COL16A1: variants seen among roughly 807,000 people sequenced by gnomAD.
COL16A1 encodes collagen type XVI alpha 1 chain, also known as collagen alpha-1(XVI) chain.
A neutral mutation model predicts 266.3 loss-of-function variants in COL16A1; 189 were observed. The ratio of observed to expected loss-of-function variants is 0.71; its 90% CI spans 0.63 to 0.80. COL16A1 has a LOEUF of 0.80. Among genes scored for constraint, COL16A1 ranks in the 30% least tolerant of loss-of-function variants. The pLI is 0.00. For synonymous variants in COL16A1, 740 were observed against 782.3 expected, an observed-to-expected ratio of 0.95 and a Z score of 0.90; for missense variants, 1,928 against 2,122.4, an observed-to-expected ratio of 0.91 and a Z score of 1.80.
intron 22 of COL16A1, 129 bp downstream of exon 22, chr1:31,690,238 G>A: frequency 1.4e-6 from 2 of 1,422,632 alleles, no homozygotes; most frequent in South Asian, 2.6e-5. Context: ...GACATCAGAG[G>A]AAGAACGGGT....
Position 31,685,952 on chromosome 1 carries a change from G to A in COL16A1, c.1884+139C>T. On this transcript the variant is annotated intron_variant, in intron 28 of 70. Coordinates refer to ENST00000373672, the MANE Select transcript of COL16A1 (RefSeq NM_001856.4). This position sits in a 1 kb window ranked among gnomAD's most constrained non-coding sequence, Gnocchi z 4.0. The stretch of plus-strand genomic sequence containing the variant: ...AACAAAGGTGGAGCTGAGTCATCAG[G>A]GGTCTCCATGCCTTGCTAAGGAGTC... The A allele has an allele frequency of 6.8e-7, 1 of 1,469,622 alleles. No homozygotes were observed. Among genetic ancestry groups the A allele is most frequent in the Non-Finnish European group, 9.2e-7 (1 of 1,081,256 alleles). 91.0% of individuals were successfully genotyped at this position (1,469,622 alleles called of 1,614,324 possible). A position where few individuals can be genotyped will look rare whatever the true frequency, so the allele number is the denominator to read the frequency against.
intron 63 of COL16A1, 57 bp downstream of exon 63, chr1:31,658,857 A>G (rs1641398878): frequency 2.6e-6 from 4 of 1,533,888 alleles, no homozygotes; most frequent in Non-Finnish European, 3.5e-6. Flanking sequence ...AATGGAGCCC[A>G]CAGTCAAGCA....
In COL16A1 at chr1:31,665,254, G is replaced by A. The variant is rs1042433027; in HGVS notation, c.3493-20C>T. 1.9e-6 allele frequency: 3 copies of A among 1,585,304 alleles called. No homozygotes were observed. Among genetic ancestry groups the A allele is most frequent in the Admixed American group, 2.0e-5 (1 of 49,380 alleles). ...GGGACCCTGTATCAACAAAGGGGCA[G>A]GCAGGAATGAAAGTGGGGCTGGAGG... On this transcript the variant is annotated intron_variant, in intron 55 of 70. Transcript: ENST00000373672.
intron 47 of COL16A1, 71 bp downstream of exon 47, chr1:31,672,345 G>GCC: frequency 6.4e-7 from 1 of 1,565,284 alleles, no homozygotes; most frequent in South Asian, 1.1e-5. Flanking sequence ...GGCCTCGGAG[G>GCC]CCCCCAAGAG....
rs577262566 is a variant in COL16A1, at chr1:31,685,516, G to A, written c.2016+123C>T. The A allele has an allele frequency of 1.5e-4, 95 of 630,316 alleles. No homozygotes were observed. Among genetic ancestry groups the A allele is most frequent in the Admixed American group, 1.3e-3 (53 of 39,708 alleles). The allele number at this position is 630,316 out of a possible 1,614,324, so 39.0% of individuals were successfully genotyped here. ...TGCTGGAGACAGAGGCTCTGACCCC[G>A]CCACACCCTCCCCACTACCCCCAAC... On this transcript the variant is annotated intron_variant, in intron 29 of 70. Transcript: ENST00000373672. This position sits in a 1 kb window ranked among gnomAD's most constrained non-coding sequence, Gnocchi z 4.0.
Position 31,670,739 on chromosome 1 carries a change from G to C in COL16A1, c.3151-93C>G, listed in dbSNP as rs1248441150. ...GTCTGGGGCTTGGGGGTCATGGGGA[G>C]AGGAGGTCATGGGAGTATTTTCAAG... On this transcript the variant is annotated intron_variant, in intron 48 of 70. Transcript: ENST00000373672. The surrounding 1 kb of genome is among the most constrained non-coding windows in gnomAD (Gnocchi z 4.5). 13 of 1,099,428 alleles carry C rather than the reference G, an allele frequency of 1.2e-5. No homozygotes were observed. 68.1% of individuals were successfully genotyped at this position (1,099,428 alleles called of 1,614,324 possible). A position where few individuals can be genotyped will look rare whatever the true frequency, so the allele number is the denominator to read the frequency against.
chr1:31,695,629 C>A, intron 10 of COL16A1, 132 bp downstream of exon 10: 1 of 876,084 alleles, frequency 1.1e-6, no homozygotes. Flanking sequence ...CAGGGCCCAG[C>A]ATCAGGCCCT....
Position 31,685,982 on chromosome 1 carries a change from T to G in COL16A1, c.1884+109A>C. 1 of 1,536,246 alleles carries G rather than the reference T, an allele frequency of 6.5e-7. No individual in the cohort carries two copies. The highest frequency in any genetic ancestry group is 8.8e-7 in the Non-Finnish European group (1 of 1,132,816). On this transcript the variant is annotated intron_variant, in intron 28 of 70. Transcript: ENST00000373672. This position sits in a 1 kb window ranked among gnomAD's most constrained non-coding sequence, Gnocchi z 4.0. ...TCCATGCCTTGCTAAGGAGTCAGAC[T>G]CTGCCCGACAGACAGCAAGGAGCCC...
In COL16A1 at chr1:31,698,652, C is replaced by A; in HGVS notation, c.267-46G>T. 1.2e-6 allele frequency: 2 copies of A among 1,605,200 alleles called. No individual in the cohort carries two copies. Among genetic ancestry groups the A allele is most frequent in the African/African-American group, 1.3e-5 (1 of 74,992 alleles). ...GTGCCCTGAGGCTCCAATGAGGACC[C>A]AAATGCTGCCCACCCTGAGCCCTCA... is the stretch of plus-strand genomic sequence containing the variant. On this transcript the variant is annotated intron_variant, in intron 4 of 70. Transcript: ENST00000373672. This position sits in a 1 kb window ranked among gnomAD's most constrained non-coding sequence, Gnocchi z 4.1.
chr1:31,689,868 G>T lies in COL16A1; in HGVS notation c.1510-17C>A. 7 of 1,609,906 alleles carry T rather than the reference G, an allele frequency of 4.3e-6. No homozygotes were observed. The highest frequency in any genetic ancestry group is 6.0e-6 in the Non-Finnish European group (7 of 1,176,322). On this transcript the variant is annotated splice_polypyrimidine_tract_variant and intron_variant, in intron 22 of 70. Coordinates refer to ENST00000373672, the MANE Select transcript of COL16A1 (RefSeq NM_001856.4). ...GGGGTCACCCTAGCAGAAGGGAGAG[G>T]CAGTATGTGGACAGGGTGGGGCTGA...
In COL16A1 at chr1:31,662,610, G is replaced by T; in HGVS notation, c.3604C>A (p.Pro1202Thr). The T allele has an allele frequency of 6.4e-7, 1 of 1,565,646 alleles. No homozygotes were observed. Residue 1202 changes from proline (P) to threonine (T), a missense_variant, in exon 57 of 71, where the codon CCA (proline) becomes ACA (threonine). Transcript: ENST00000373672. ...GPSGLPGSPG[P>T]PGPPGIQGPA... ...ACCTGAATCCCAGGAGGTCCCGGTG[G>T]CCCAGGGGAGCCAGGCAGGCCTGAT...
chr1:31,671,129 A>G (rs987463503), intron 48 of COL16A1, among the ~76,000 whole-genome samples: 1 of 152,208 alleles, frequency 6.6e-6, no homozygotes, highest in Non-Finnish European at 1.5e-5. Flanking sequence ...CAGAGTAGAT[A>G]CCCTGGTCTG....
At chr1:31,654,444 A>G (rs1640919561) in intron 68 of COL16A1, among the ~76,000 whole-genome samples, 1 of 148,740 alleles carries the variant, frequency 6.7e-6, no homozygotes, top group African/African-American at 2.4e-5. Flanking sequence ...TGAACAGAAA[A>G]AAACACTTCA....
At chr1:31,695,623 G>A in intron 10 of COL16A1, 138 bp downstream of exon 10, 1 of 851,394 alleles carries the variant, frequency 1.2e-6, no homozygotes, top group Non-Finnish European at 2.0e-6. Context: ...GACAGACAGG[G>A]CCCAGCATCA....
At chr1:31,671,425 C>T (rs749128193) in intron 48 of COL16A1, among the ~76,000 whole-genome samples, 190 bp downstream of exon 48, 3 of 152,164 alleles carry the variant, frequency 2.0e-5, no homozygotes, top group Admixed American at 6.5e-5. Flanking sequence ...CAGAGCAGGG[C>T]GGTTCCAGGG....
Position 31,696,093 on chromosome 1 carries a change from C to T in COL16A1, c.913G>A (p.Ala305Thr). 1 of 1,606,402 alleles carries T rather than the reference C, an allele frequency of 6.2e-7. No homozygotes were observed. The highest frequency in any genetic ancestry group is 8.5e-7 in the Non-Finnish European group (1 of 1,174,754). ...CCCCCCACCCCCACCTCTACCTTTG[C>T]TCCCCTTTCTGCCTTCTGGCTGATT... is the stretch of plus-strand genomic sequence containing the variant. ...GRISQKAERG[A>T]KVHQETAADE... is the part of the protein sequence containing the mutation. The change falls in exon 9 of 71, where the codon GCA becomes ACA. Residue 305 changes from alanine (A) to threonine (T), a missense_variant. By Grantham distance (58) the Ala-to-Thr change is moderately conservative. Transcript: ENST00000373672.
intron 44 of COL16A1, among the ~76,000 whole-genome samples, chr1:31,673,632 A>G (rs1400246451): frequency 6.6e-6 from 1 of 152,270 alleles, no homozygotes; most frequent in Non-Finnish European, 1.5e-5. Context: ...CCTGCACATT[A>G]TCACATGCCA....
chr1:31,662,216 G>C (rs1263902432), intron 58 of COL16A1, 118 bp downstream of exon 58: 1 of 1,532,612 alleles, frequency 6.5e-7, no homozygotes, highest in Non-Finnish European at 8.8e-7. Context: ...GGAGGGCATG[G>C]GTGCCCCCTG....
Position 31,695,760 on chromosome 1 carries a change from C to T in COL16A1, c.945+1G>A. ...TGCTGCCAGTCCACTGGGAGGCTTA[C>T]CTCATCGGCTGCTGTCTCCTGATGG... On this transcript the variant is annotated splice_donor_variant, in intron 10 of 70. Coordinates refer to ENST00000373672, the MANE Select transcript of COL16A1 (RefSeq NM_001856.4). LOFTEE classifies it high-confidence loss of function. The T allele has an allele frequency of 1.2e-6, 2 of 1,613,696 alleles. No homozygotes were observed. The highest frequency in any genetic ancestry group is 8.5e-7 in the Non-Finnish European group (1 of 1,179,890).
Sources: allele counts gnomAD v4.1 joint callset (sites outside exome capture counted in the v4.1 genomes callset), GRCh38; gene constraint gnomAD v4.1.1; non-coding constraint Gnocchi (gnomAD v3.1); transcripts MANE v1.5; gene names NCBI Gene and HGNC (gene_info 2026-07-23, HGNC 2026-07-21).